Variants in NR3C2 observed in about 807,000 individuals in gnomAD.
The protein encoded by NR3C2 is nuclear receptor subfamily 3 group C member 2.
Under a neutral mutation model 86.4 loss-of-function variants are expected in NR3C2, and 15 were observed. That is an observed-to-expected ratio of 0.17 (90% CI 0.12 to 0.27). The LOEUF is 0.27. Among genes scored for constraint, NR3C2 ranks in the 10% least tolerant of loss-of-function variants. The pLI is 1.00. For synonymous variants in NR3C2, 458 were observed against 450.5 expected, an observed-to-expected ratio of 1.02 and a Z score of -0.21; for missense variants, 960 against 1,195.6, an observed-to-expected ratio of 0.80 and a Z score of 2.91.
intron 3 of NR3C2, among the ~76,000 whole-genome samples, chr4:148,221,046 C>A (rs1386481641): frequency 6.6e-6 from 1 of 152,040 alleles, no homozygotes; most frequent in Non-Finnish European, 1.5e-5. Context: ...GGGGTGAGAC[C>A]AAATTTCTGA....
chr4:148,194,054 T>C (rs1209425217), intron 4 of NR3C2, among the ~76,000 whole-genome samples: 1 of 152,248 alleles, frequency 6.6e-6, no homozygotes, highest in Non-Finnish European at 1.5e-5. Context: ...TTAATTATTG[T>C]AGCTATAATA....
intron 2 of NR3C2, among the ~76,000 whole-genome samples, chr4:148,402,534 T>C (rs1384499455): frequency 2.0e-5 from 3 of 152,238 alleles, no homozygotes; most frequent in Non-Finnish European, 4.4e-5. Context: ...TAGAGACTGA[T>C]GAAGAGTCAC....
intron 2 of NR3C2, among the ~76,000 whole-genome samples, chr4:148,422,148 A>AT (rs958561113): frequency 1.5e-4 from 23 of 152,150 alleles, no homozygotes; most frequent in Middle Eastern, 3.4e-3. Flanking sequence ...GAAAAATGCT[A>AT]TTTTTCACCT....
chr4:148,195,334 A>G (rs567558826), intron 3 of NR3C2, among the ~76,000 whole-genome samples: 8 of 152,224 alleles, frequency 5.3e-5, no homozygotes, highest in Non-Finnish European at 1.0e-4. Context: ...GTAAAACAAT[A>G]TGGAACTAAA....
intron 3 of NR3C2, among the ~76,000 whole-genome samples, chr4:148,217,131 G>A (rs1737579443): frequency 6.6e-6 from 1 of 152,196 alleles, no homozygotes; most frequent in African/African-American, 2.4e-5. Flanking sequence ...CCTGACTTGT[G>A]GCAAAGCACT....
chr4:148,228,844 T>G (rs890242982), intron 3 of NR3C2, among the ~76,000 whole-genome samples: 6 of 152,072 alleles, frequency 3.9e-5, no homozygotes, highest in African/African-American at 1.4e-4. Context: ...ATAAAGGTGT[T>G]CAGAAAAACA....
intron 3 of NR3C2, among the ~76,000 whole-genome samples, chr4:148,211,931 C>G (rs1324789994): frequency 6.6e-6 from 1 of 152,206 alleles, no homozygotes; most frequent in Non-Finnish European, 1.5e-5. Flanking sequence ...CAATTATCAT[C>G]AGCTCATTCT....
intron 3 of NR3C2, among the ~76,000 whole-genome samples, chr4:148,257,300 A>G (rs973047529): frequency 2.0e-5 from 3 of 152,240 alleles, no homozygotes; most frequent in Non-Finnish European, 2.9e-5. Context: ...TACACAGACT[A>G]AGACTACTAA....
chr4:148,143,203 A>T (rs1405173985), intron 6 of NR3C2, among the ~76,000 whole-genome samples: 3 of 152,226 alleles, frequency 2.0e-5, no homozygotes, highest in Non-Finnish European at 4.4e-5. Context: ...TGCACAGAGA[A>T]CAGACATCCA....
At chr4:148,164,291 A>G (rs950582337) in intron 4 of NR3C2, among the ~76,000 whole-genome samples, 2 of 152,224 alleles carry the variant, frequency 1.3e-5, no homozygotes, top group Non-Finnish European at 2.9e-5. Context: ...CAATCTAGTC[A>G]GTCTGTATAA....
chr4:148,243,341 T>G (rs1422495810), intron 3 of NR3C2, among the ~76,000 whole-genome samples: 1 of 152,164 alleles, frequency 6.6e-6, no homozygotes, highest in Non-Finnish European at 1.5e-5. Context: ...TAAAGACATT[T>G]CTTTAACTTT....
chr4:148,340,844 C>A (rs1490271966), intron 2 of NR3C2, among the ~76,000 whole-genome samples: 1 of 151,934 alleles, frequency 6.6e-6, no homozygotes, highest in Non-Finnish European at 1.5e-5. Flanking sequence ...GGAGACATGG[C>A]CAACCAAAAG....
At chr4:148,121,525 C>T (rs962232709) in intron 6 of NR3C2, among the ~76,000 whole-genome samples, 3 of 152,096 alleles carry the variant, frequency 2.0e-5, no homozygotes, top group South Asian at 2.1e-4. Context: ...ATATGTGCAC[C>T]GGATTTTTAA....
chr4:148,251,385 T>C (rs1464458371), intron 3 of NR3C2, among the ~76,000 whole-genome samples: 1 of 152,218 alleles, frequency 6.6e-6, no homozygotes, highest in African/African-American at 2.4e-5. Context: ...GCAATTTCCA[T>C]TTCTGGTGTC....
intron 2 of NR3C2, among the ~76,000 whole-genome samples, chr4:148,365,756 C>G (rs112434610): frequency 2.0e-5 from 3 of 152,012 alleles, no homozygotes; most frequent in African/African-American, 7.2e-5. Flanking sequence ...CACAGTTTTT[C>G]TTATTAATTT....
At chr4:148,423,725 GA>G (rs1198604970) in intron 2 of NR3C2, among the ~76,000 whole-genome samples, 10 of 151,992 alleles carry the variant, frequency 6.6e-5, no homozygotes, top group Admixed American at 6.6e-4. Flanking sequence ...TATTATTTTT[GA>G]AACAGAGTCT....
chr4:148,305,826 G>A (rs1402613518), intron 2 of NR3C2, among the ~76,000 whole-genome samples: 1 of 152,178 alleles, frequency 6.6e-6, no homozygotes, highest in Admixed American at 6.5e-5. Context: ...GAATAAGCAT[G>A]TTTTATAAAA....
chr4:148,410,068 A>G (rs1359643981), intron 2 of NR3C2, among the ~76,000 whole-genome samples: 1 of 152,200 alleles, frequency 6.6e-6, no homozygotes, highest in Non-Finnish European at 1.5e-5. Context: ...AGTACGTCAC[A>G]TAAAAAATTA....
chr4:148,272,441 C>A (rs906977431), intron 2 of NR3C2, among the ~76,000 whole-genome samples: 15 of 152,000 alleles, frequency 9.9e-5, no homozygotes, highest in African/African-American at 3.6e-4. Context: ...GAATTAGATA[C>A]CTTTATTATT....
Sources: gnomAD v4.1 joint callset for allele counts (sites outside exome capture counted in the v4.1 genomes callset) on GRCh38, gnomAD v4.1.1 for gene constraint, MANE v1.5 for transcripts, NCBI Gene and HGNC (gene_info 2026-07-23, HGNC 2026-07-21) for gene names.